PI4K2B: variants seen among roughly 807,000 people sequenced by gnomAD.
PI4K2B encodes the protein phosphatidylinositol 4-kinase type 2-beta.
PI4K2B carries 46 observed loss-of-function variants against 56.6 expected under a neutral mutation model. That is an observed-to-expected ratio of 0.81 (90% confidence interval 0.64 to 1.04). PI4K2B has a LOEUF of 1.04. PI4K2B is among the 50% of genes least tolerant of loss of function. The pLI, the probability that PI4K2B is intolerant of heterozygous loss-of-function variation, is 0.00. For missense variants in PI4K2B, 556 were observed against 607.7 expected, an observed-to-expected ratio of 0.91 and a Z score of 0.89; for synonymous variants, 211 against 223.8, an observed-to-expected ratio of 0.94 and a Z score of 0.51.
At chr4:25,253,327 A>G (rs371194714) in intron 2 of PI4K2B, among the ~76,000 whole-genome samples, 24 of 152,378 alleles carry the variant, frequency 1.6e-4, no homozygotes, top group African/African-American at 5.8e-4. Context: ...CACTTAGTCT[A>G]GAATTTTTCA....
rs529638056 is a variant in PI4K2B, at chr4:25,246,218, T to A, written c.269-6103T>A. 3.4e-4 allele frequency among the ~76,000 whole-genome samples: 51 copies of A among 152,192 alleles called. No homozygotes were observed. In the South Asian group the frequency reaches 1.0e-2, roughly 30 times the overall value. On this transcript the variant is annotated intron_variant, in intron 1 of 9. Transcript: ENST00000264864. ...AGCTTCCACAGTGTGGAAGGGGACC[T>A]GAGTGGGTTGCCACTGCTGGTTCGG...
At chr4:25,246,517 G>T (rs574518317) in intron 1 of PI4K2B, among the ~76,000 whole-genome samples, 1 of 152,322 alleles carries the variant, frequency 6.6e-6, no homozygotes, top group East Asian at 1.9e-4. Context: ...TAGACATAAA[G>T]GTTCTCTAAG....
In PI4K2B at chr4:25,277,387, T is replaced by C. The variant is rs1005746594; in HGVS notation, c.*200T>C. The C allele has an allele frequency of 2.2e-6, 1 of 460,986 alleles. No homozygotes were observed. Among genetic ancestry groups the C allele is most frequent in the Non-Finnish European group, 3.6e-6 (1 of 274,124 alleles). The allele number at this position is 460,986 out of a possible 1,614,324, so 28.6% of individuals were successfully genotyped here. On this transcript the variant is annotated 3_prime_UTR_variant, in exon 10 of 10. Transcript: ENST00000264864. The stretch of plus-strand genomic sequence containing the variant: ...TCTATTTCAGGGAAGAAGTGCTATA[T>C]CTCCTATATTGTATTTTTGTAGAAA...
At chr4:25,270,262 A>G (rs552484878) in intron 9 of PI4K2B, among the ~76,000 whole-genome samples, 1 of 152,286 alleles carries the variant, frequency 6.6e-6, no homozygotes, top group African/African-American at 2.4e-5. Context: ...AAGATTGAGT[A>G]TCAATTGTGA....
intron 1 of PI4K2B, among the ~76,000 whole-genome samples, chr4:25,245,227 A>G (rs1412145639): frequency 1.3e-5 from 2 of 152,192 alleles, no homozygotes; most frequent in African/African-American, 4.8e-5. Context: ...AGAAGGTAAC[A>G]GTTTATACTA....
chr4:25,246,865 C>T (rs1180824935), intron 1 of PI4K2B, among the ~76,000 whole-genome samples: 1 of 152,230 alleles, frequency 6.6e-6, no homozygotes, highest in Non-Finnish European at 1.5e-5. Context: ...GGGTGCTAAG[C>T]CCCTCACTGC....
intron 4 of PI4K2B, 99 bp downstream of exon 4, chr4:25,256,773 C>A: frequency 1.8e-6 from 2 of 1,117,764 alleles, no homozygotes; most frequent in Non-Finnish European, 2.6e-6. Context: ...GATATTATAG[C>A]ACAGATTTTT....
chr4:25,254,664 C>T lies in PI4K2B; in HGVS notation c.424-401C>T, dbSNP rs1423046835. On this transcript the variant is annotated intron_variant, in intron 2 of 9. Transcript: ENST00000264864. ...TCCTGACCTCATGATCCGCCCGCCT[C>T]GGCCTCCCAAAGTGCTGGATTACAG... 3.3e-5 allele frequency among the ~76,000 whole-genome samples: 5 copies of T among 152,062 alleles called. No homozygotes were observed. In the East Asian group the frequency reaches 5.8e-4, roughly 18 times the overall value.
At position 25,278,963 on chromosome 4, in the gene PI4K2B, C is replaced by T. The variant is rs755846548; in HGVS notation, c.*1776C>T. 6.6e-6 allele frequency: 1 copy of T among 152,334 alleles called. No individual in the cohort carries two copies. Among genetic ancestry groups the T allele is most frequent in the Non-Finnish European group, 1.5e-5 (1 of 67,976 alleles). 9.4% of individuals were successfully genotyped at this position (152,334 alleles called of 1,614,324 possible). ...TAAGATATAACCACAAGTCAGAGTA[C>T]ATTGGTTGTATTTTGTAAACTTTCA... On this transcript the variant is annotated 3_prime_UTR_variant, in exon 10 of 10. Coordinates refer to ENST00000264864, the MANE Select transcript of PI4K2B (RefSeq NM_018323.4).
At chr4:25,236,466 G>A (rs938842129) in intron 1 of PI4K2B, among the ~76,000 whole-genome samples, 4 of 150,692 alleles carry the variant, frequency 2.7e-5, no homozygotes, top group South Asian at 2.1e-4. Context: ...CAGGAGAATC[G>A]CTTCTGAACC....
chr4:25,269,166 C>G lies in PI4K2B; in HGVS notation c.1235C>G (p.Ala412Gly). 1 of 1,586,994 alleles carries G rather than the reference C, an allele frequency of 6.3e-7. No homozygotes were observed. The highest frequency in any genetic ancestry group is 8.6e-7 in the Non-Finnish European group (1 of 1,156,166). ...TAGACTGACAAAGGATTTGACAAAG[C>G]CACTTTTGAAAGTCAGATGTCTGTG... is the stretch of plus-strand genomic sequence containing the variant. ...LFKTDKGFDK[A>G]TFESQMSVMR... Residue 412 changes from alanine (A) to glycine (G), a missense_variant, in exon 9 of 10, where the codon GCC (alanine) becomes GGC (glycine). Ala to Gly is a moderately conservative substitution (Grantham distance 60). Transcript: ENST00000264864.
intron 4 of PI4K2B, chr4:25,258,581 AT>A (rs890203067): frequency 2.0e-5 from 5 of 248,808 alleles, no homozygotes; most frequent in South Asian, 1.5e-4. Context: ...AAAAAAAAAA[AT>A]GAAAAAAAAT....
rs764591537 is a variant in PI4K2B at position 25,260,555 on chromosome 4, C to G, written c.942C>G (p.Tyr314Ter). Residue 314 changes from tyrosine (Y) to a stop codon, truncating the protein, a stop_gained, in exon 6 of 10, where the codon TAC becomes TAG. Coordinates refer to ENST00000264864, the MANE Select transcript of PI4K2B (RefSeq NM_018323.4). LOFTEE classifies it high-confidence loss of function. ...DRGNDNWLVR[Y>*]EKQKCEKEID... ...GCAATGATAATTGGTTAGTCAGATA[C>G]GAAAAGCAGAAATGTGAAAAGGAAA... The G allele has an allele frequency of 7.1e-7, 1 of 1,399,126 alleles. No individual in the cohort carries two copies. Among genetic ancestry groups the G allele is most frequent in the Non-Finnish European group, 9.4e-7 (1 of 1,065,164 alleles). The allele number at this position is 1,399,126 out of a possible 1,614,324, so 86.7% of individuals were successfully genotyped here. A position where few individuals can be genotyped will look rare whatever the true frequency, so the allele number is the denominator to read the frequency against.
At chr4:25,265,692 T>A (rs1472079197) in intron 7 of PI4K2B, among the ~76,000 whole-genome samples, 1 of 152,252 alleles carries the variant, frequency 6.6e-6, no homozygotes, top group African/African-American at 2.4e-5. Context: ...AACTGTTCAT[T>A]GTTATTTTCC....
At chr4:25,243,063 A>G (rs1715595397) in intron 1 of PI4K2B, among the ~76,000 whole-genome samples, 1 of 152,236 alleles carries the variant, frequency 6.6e-6, no homozygotes. Context: ...CTCAGATGGT[A>G]GTGGACCTTG....
intron 1 of PI4K2B, among the ~76,000 whole-genome samples, chr4:25,241,378 A>T (rs1715515202): frequency 6.6e-6 from 1 of 152,232 alleles, no homozygotes; most frequent in South Asian, 2.1e-4. Context: ...ATATAGGTTA[A>T]GGTCAGGATT....
At chr4:25,267,667 C>G (rs1052462092) in intron 7 of PI4K2B, 1 of 489,066 alleles carries the variant, frequency 2.0e-6, no homozygotes, top group Non-Finnish European at 2.7e-6. Flanking sequence ...AAACCTTACA[C>G]TCTTGCAGGA....
At chr4:25,250,497 AG>A (rs1716007936) in intron 1 of PI4K2B, 1 of 152,230 alleles carries the variant, frequency 6.6e-6, no homozygotes, top group African/African-American at 2.4e-5. Flanking sequence ...AATGGGTACT[AG>A]GTTTAATACC....
rs925147541 is a variant in PI4K2B, at chr4:25,263,731, T to C, written c.979-19T>C. 7 of 895,116 alleles carry C rather than the reference T, an allele frequency of 7.8e-6. No individual in the cohort carries two copies. The highest frequency in any genetic ancestry group is 2.4e-5 in the East Asian group (1 of 40,872). 55.4% of individuals were successfully genotyped at this position (895,116 alleles called of 1,614,324 possible). On this transcript the variant is annotated intron_variant, in intron 6 of 9. Transcript: ENST00000264864. The stretch of plus-strand genomic sequence containing the variant: ...TTATATAGGTTCTTTTATCAACATA[T>C]CATTTTTCTACTCTATAGGAATCAA...
Sources: allele counts gnomAD v4.1 joint callset (sites outside exome capture counted in the v4.1 genomes callset), GRCh38; gene constraint gnomAD v4.1.1; transcripts MANE v1.5; gene names NCBI Gene and HGNC (gene_info 2026-07-23, HGNC 2026-07-21).